The following SEPHS1 variants were observed in gnomAD, a reference collection of about 807,000 sequenced individuals.
SEPHS1 encodes the protein zincore component SEPHS1.
Under a neutral mutation model 39.2 loss-of-function variants are expected in SEPHS1, and 7 were observed. The observed-to-expected ratio is 0.18, with a 90% CI of 0.10 to 0.34. The LOEUF is 0.34. Ranked by LOEUF, SEPHS1 falls within the 10% of genes least tolerant of loss-of-function variation. The pLI, the probability that SEPHS1 is intolerant of heterozygous loss-of-function variation, is 1.00. For synonymous variants in SEPHS1, 190 were observed against 195.5 expected (o/e 0.97, Z 0.23); for missense variants, 253 against 514.5 (o/e 0.49, Z 4.92).
intron 1 of SEPHS1, among the ~76,000 whole-genome samples, chr10:13,346,112 C>G (rs1439304272): frequency 2.6e-5 from 4 of 152,218 alleles, no homozygotes; most frequent in Non-Finnish European, 5.9e-5. Context: ...ATTAACATTT[C>G]ATTGCAGAAC....
In SEPHS1 at chr10:13,331,837, A is replaced by G. The variant is rs574194504; in HGVS notation, c.560+1980T>C. ...TCAGGCAGACACAAATCAAAACCAC[A>G]AAGACATTCCACTTCACACCCAGTA... On this transcript the variant is annotated intron_variant, in intron 5 of 8. Coordinates refer to ENST00000327347, the MANE Select transcript of SEPHS1 (RefSeq NM_012247.5). 3.3e-5 allele frequency among the ~76,000 whole-genome samples: 5 copies of G among 152,348 alleles called. No homozygotes were observed. In the South Asian group the frequency reaches 1.0e-3, roughly 32 times the overall value.
At chr10:13,325,571 T>C (rs7082928) in intron 7 of SEPHS1, among the ~76,000 whole-genome samples, 96,826 of 151,990 alleles carry the variant, frequency 0.64, 31,105 homozygotes, top group East Asian at 0.77. Context: ...TTTCCTGAGG[T>C]CTCCCCAGCC....
At chr10:13,326,758 T>G (rs1833308386) in intron 7 of SEPHS1, among the ~76,000 whole-genome samples, 1 of 152,132 alleles carries the variant, frequency 6.6e-6, no homozygotes, top group Non-Finnish European at 1.5e-5. Context: ...GGTCTCCAAC[T>G]GCTGGACTCA....
chr10:13,326,142 C>G (rs1316542211), intron 7 of SEPHS1, among the ~76,000 whole-genome samples: 1 of 152,018 alleles, frequency 6.6e-6, no homozygotes, highest in East Asian at 1.9e-4. Context: ...GGTGAAAAGA[C>G]TCTTTTCTCC....
At chr10:13,340,599 C>G (rs1364092598) in intron 2 of SEPHS1, 1 of 152,196 alleles carries the variant, frequency 6.6e-6, no homozygotes, top group Non-Finnish European at 1.5e-5. Flanking sequence ...TCCATTTAAA[C>G]TGGAGGACTA....
At chr10:13,323,264 T>C (rs1334887003) in intron 7 of SEPHS1, among the ~76,000 whole-genome samples, 1 of 152,164 alleles carries the variant, frequency 6.6e-6, no homozygotes, top group Non-Finnish European at 1.5e-5. Flanking sequence ...CAATTAATAG[T>C]AGTTTTCCAG....
chr10:13,321,822 C>G (rs2254252), intron 8 of SEPHS1, among the ~76,000 whole-genome samples: 1 of 151,946 alleles, frequency 6.6e-6, no homozygotes, highest in Non-Finnish European at 1.5e-5. Flanking sequence ...TGCTGGAGTA[C>G]CTGCCATGAT....
intron 2 of SEPHS1, among the ~76,000 whole-genome samples, chr10:13,342,763 T>C (rs1588549468): frequency 6.6e-6 from 1 of 150,478 alleles, no homozygotes. Context: ...TGAGGCAGGG[T>C]CTCACTCTGT....
chr10:13,346,370 G>A (rs889869658), intron 1 of SEPHS1, among the ~76,000 whole-genome samples: 1 of 152,186 alleles, frequency 6.6e-6, no homozygotes, highest in East Asian at 1.9e-4. Flanking sequence ...CATTTATAGA[G>A]TTTTCCATCC....
At chr10:13,320,889 G>A (rs547010804) in intron 8 of SEPHS1, among the ~76,000 whole-genome samples, 10 of 152,284 alleles carry the variant, frequency 6.6e-5, no homozygotes, top group African/African-American at 9.6e-5. Context: ...GGTAACATTC[G>A]TCAATTCATT....
intron 1 of SEPHS1, among the ~76,000 whole-genome samples, chr10:13,346,751 C>G (rs930469702): frequency 1.3e-5 from 2 of 152,116 alleles, no homozygotes; most frequent in Non-Finnish European, 2.9e-5. Flanking sequence ...ATCCAACTCA[C>G]GAGGCATCCA....
intron 4 of SEPHS1, 108 bp downstream of exon 4, chr10:13,336,134 CA>C (rs1833625740): frequency 8.9e-6 from 6 of 672,724 alleles, no homozygotes; most frequent in African/African-American, 1.8e-5. Flanking sequence ...TGCAGGGAGC[CA>C]TATGGCCTGG....
intron 2 of SEPHS1, among the ~76,000 whole-genome samples, chr10:13,342,944 A>T (rs1477571327): frequency 1.3e-5 from 2 of 152,090 alleles, no homozygotes; most frequent in African/African-American, 4.8e-5. Context: ...CATTTTGCCC[A>T]GGCTGGTCTT....
chr10:13,342,966 C>T (rs1189440885), intron 2 of SEPHS1, among the ~76,000 whole-genome samples: 3 of 152,040 alleles, frequency 2.0e-5, no homozygotes, highest in African/African-American at 7.2e-5. Flanking sequence ...AACTCCTGAC[C>T]TTGAGTGATC....
intron 1 of SEPHS1, among the ~76,000 whole-genome samples, chr10:13,346,178 C>G (rs961228903): frequency 3.3e-5 from 5 of 152,190 alleles, no homozygotes; most frequent in African/African-American, 1.2e-4. Context: ...TGTGTACCAC[C>G]GTTAGGTTTC....
chr10:13,330,411 GC>G (rs1833428493), intron 5 of SEPHS1, among the ~76,000 whole-genome samples: 1 of 152,148 alleles, frequency 6.6e-6, no homozygotes, highest in Non-Finnish European at 1.5e-5. Flanking sequence ...TTCCTACCTG[GC>G]ACCCAGACGC....
chr10:13,345,974 G>A (rs972507158), intron 1 of SEPHS1, among the ~76,000 whole-genome samples: 1 of 152,256 alleles, frequency 6.6e-6, no homozygotes, highest in Non-Finnish European at 1.5e-5. Flanking sequence ...AACACAGTAA[G>A]GTCTGTGTTC....
intron 8 of SEPHS1, among the ~76,000 whole-genome samples, chr10:13,322,357 G>A (rs998234994): frequency 6.6e-6 from 1 of 151,858 alleles, no homozygotes; most frequent in Non-Finnish European, 1.5e-5. Context: ...TGTTGGCCAG[G>A]CTGGTCTTCA....
chr10:13,333,344 G>T (rs1833524475), intron 5 of SEPHS1, among the ~76,000 whole-genome samples: 1 of 151,804 alleles, frequency 6.6e-6, no homozygotes, highest in South Asian at 2.1e-4. Flanking sequence ...TGTTGGTCAG[G>T]CTGGTCTCAA....
Sources: allele counts gnomAD v4.1 joint callset (sites outside exome capture counted in the v4.1 genomes callset), GRCh38; gene constraint gnomAD v4.1.1; transcripts MANE v1.5; gene names NCBI Gene and HGNC (gene_info 2026-07-23, HGNC 2026-07-21).